The following SLX9 variants were observed in gnomAD, a reference collection of about 807,000 sequenced individuals.
SLX9 encodes ribosome biogenesis protein SLX9 homolog.
SLX9 carries 19 observed loss-of-function variants against 20.8 expected under a neutral mutation model. The ratio of observed to expected loss-of-function variants is 0.91; its 90% CI spans 0.64 to 1.34. SLX9 has a LOEUF of 1.34. Among genes scored for constraint, SLX9 ranks in the 40% most tolerant of loss-of-function variants. The probability of loss-of-function intolerance (pLI) is 0.00; values close to 1 mark genes in which losing one functional copy is unlikely to be tolerated. For missense variants in SLX9, 299 were observed against 322.2 expected, an observed-to-expected ratio of 0.93 and a Z score of 0.55; for synonymous variants, 113 against 137.1, an observed-to-expected ratio of 0.82 and a Z score of 1.23.
intron 4 of SLX9, among the ~76,000 whole-genome samples, chr21:44,972,375 C>A (rs537785124): frequency 6.8e-4 from 104 of 152,290 alleles, no homozygotes; most frequent in Non-Finnish European, 1.3e-3. Flanking sequence ...AGAAGCTCCG[C>A]GGGCAGCCGG....
In SLX9 at chr21:44,943,805, C is replaced by A; in HGVS notation, c.251C>A (p.Ser84Ter). ...VTSVRRGEAG[S>*]SARSVPSIRR... Reference sequence around the variant, plus strand: ...TCCGTCAGGAGAGGTGAGGCAGGCTCGAGTGCACGGAGCGTCCCTTCCATC... The same window carrying A: ...TCCGTCAGGAGAGGTGAGGCAGGCTAGAGTGCACGGAGCGTCCCTTCCATC... The change falls in exon 2 of 6, where the codon TCG (serine) becomes TAG (stop). Residue 84 changes from serine to a stop codon, truncating the protein, a stop_gained. Coordinates refer to ENST00000291634, the MANE Select transcript of SLX9 (RefSeq NM_058190.4). LOFTEE classifies it high-confidence loss of function. 1 of 1,613,056 alleles carries A rather than the reference C, an allele frequency of 6.2e-7. No homozygotes were observed. The highest frequency in any genetic ancestry group is 8.5e-7 in the Non-Finnish European group (1 of 1,179,966).
intron 2 of SLX9, among the ~76,000 whole-genome samples, chr21:44,951,329 A>G (rs2084752955): frequency 6.6e-6 from 1 of 152,236 alleles, no homozygotes; most frequent in African/African-American, 2.4e-5. Flanking sequence ...GAGGCAGGGA[A>G]AGTGGGCATG....
At chr21:44,972,666 G>A (rs974217511) in intron 4 of SLX9, among the ~76,000 whole-genome samples, 3 of 152,212 alleles carry the variant, frequency 2.0e-5, no homozygotes, top group South Asian at 2.1e-4. Flanking sequence ...CACAGCGTGC[G>A]CCTTCTTCTA....
intron 1 of SLX9, among the ~76,000 whole-genome samples, chr21:44,940,827 TA>T (rs2084531763): frequency 6.6e-6 from 1 of 152,242 alleles, no homozygotes; most frequent in Non-Finnish European, 1.5e-5. Flanking sequence ...TTTCCTTGAA[TA>T]TTTTTTTCTG....
intron 2 of SLX9, among the ~76,000 whole-genome samples, chr21:44,948,338 G>A (rs2084687354): frequency 1.4e-5 from 2 of 147,772 alleles, no homozygotes; most frequent in African/African-American, 2.5e-5. Context: ...TCGGGCGTCC[G>A]GGGAGCTGGT....
At chr21:44,939,784 C>T, upstream of SLX9, 3 of 550,854 alleles carry the variant, frequency 5.4e-6, no homozygotes, top group Non-Finnish European at 1.0e-5. Flanking sequence ...GACGCAACCC[C>T]GGGCTTGGGT....
In SLX9 at chr21:44,943,672, T is replaced by G. The variant is rs373722100; in HGVS notation, c.130-12T>G. ...ACCTCTTCTTTTCGTCCGTTTTTGT[T>G]GGGGACATTAGGACTGGGCGTTCAT... On this transcript the variant is annotated splice_polypyrimidine_tract_variant and intron_variant, in intron 1 of 5. Transcript: ENST00000291634. 1 of 1,612,688 alleles carries G rather than the reference T, an allele frequency of 6.2e-7. No individual in the cohort carries two copies. The highest frequency in any genetic ancestry group is 8.5e-7 in the Non-Finnish European group (1 of 1,178,910).
chr21:44,950,543 C>T (rs563223346), intron 2 of SLX9, among the ~76,000 whole-genome samples: 10 of 152,194 alleles, frequency 6.6e-5, no homozygotes, highest in African/African-American at 9.7e-5. Flanking sequence ...TGTTGGGAGC[C>T]CAATGACTTG....
intron 3 of SLX9, among the ~76,000 whole-genome samples, chr21:44,964,052 A>G (rs73906983): frequency 0.078 from 11,903 of 152,262 alleles, 1,550 homozygotes; most frequent in African/African-American, 0.27. Context: ...AACATAGTAT[A>G]TCTCACCATT....
At position 44,945,944 on chromosome 21, in the gene SLX9, G is replaced by A. The variant is rs138166763; in HGVS notation, c.283+2107G>A. 2.7e-3 allele frequency among the ~76,000 whole-genome samples: 407 copies of A among 151,958 alleles called. 2 individuals carry two copies. The highest frequency in any genetic ancestry group is 9.4e-3 in the African/African-American group (388 of 41,404). On this transcript the variant is annotated intron_variant, in intron 2 of 5. Coordinates refer to ENST00000291634, the MANE Select transcript of SLX9 (RefSeq NM_058190.4). The stretch of plus-strand genomic sequence containing the variant: ...GAGATGGGGTTTCACCCCGTTGGCC[G>A]GGATGGTCTCGATCTCTTGACCTCA...
intron 5 of SLX9, among the ~76,000 whole-genome samples, chr21:44,973,735 A>T (rs962198392): frequency 1.0e-4 from 15 of 144,690 alleles, no homozygotes; most frequent in African/African-American, 3.9e-4. Flanking sequence ...GAGTGCCTCC[A>T]GCCTGCCCTC....
chr21:44,964,272 C>A (rs1160109281), intron 3 of SLX9, among the ~76,000 whole-genome samples: 1 of 152,262 alleles, frequency 6.6e-6, no homozygotes, highest in East Asian at 1.9e-4. Flanking sequence ...GTCTGGTAGT[C>A]ATTTTGTAGA....
In SLX9 at chr21:44,976,722, G is replaced by A. The variant is rs545120562; in HGVS notation, c.612G>A (p.Pro204=). 1.0e-5 allele frequency: 16 copies of A among 1,573,292 alleles called. No individual in the cohort carries two copies. The highest frequency in any genetic ancestry group is 3.6e-5 in the Admixed American group (2 of 54,946). ...RTRFQELLAS[P]AYRASPLVAI... is the part of the protein sequence containing the mutation. Reference sequence around the variant, plus strand: ...GGTTTCAGGAGCTGCTGGCCAGTCCGGCCTACAGAGCCAGCCCCCTGGTGG... The same window carrying A: ...GGTTTCAGGAGCTGCTGGCCAGTCCAGCCTACAGAGCCAGCCCCCTGGTGG... Residue 204 remains proline, a synonymous_variant, in exon 6 of 6, where the codon CCG becomes CCA. Coordinates refer to ENST00000291634, the MANE Select transcript of SLX9 (RefSeq NM_058190.4).
chr21:44,963,271 A>G (rs996501019), intron 3 of SLX9, among the ~76,000 whole-genome samples: 6 of 151,524 alleles, frequency 4.0e-5, no homozygotes, highest in African/African-American at 1.5e-4. Context: ...TTGTATTTTT[A>G]GTAGAGATGG....
chr21:44,960,852 G>A (rs1462070525), intron 3 of SLX9, among the ~76,000 whole-genome samples: 1 of 152,194 alleles, frequency 6.6e-6, no homozygotes, highest in South Asian at 2.1e-4. Context: ...TTCTAAGATT[G>A]TTTCTCGTCA....
At chr21:44,963,052 A>T (rs960505371) in intron 3 of SLX9, among the ~76,000 whole-genome samples, 27 of 148,750 alleles carry the variant, frequency 1.8e-4, no homozygotes, top group Non-Finnish European at 2.7e-4. Flanking sequence ...TGTTTTACAG[A>T]TGTTTTTCCC....
intron 2 of SLX9, among the ~76,000 whole-genome samples, 181 bp from the exon 3 acceptor site, chr21:44,959,919 C>T (rs1011422760): frequency 6.6e-6 from 1 of 152,152 alleles, no homozygotes; most frequent in Admixed American, 6.5e-5. Context: ...GAGGCCGGGC[C>T]GAGGCATGCT....
intron 2 of SLX9, among the ~76,000 whole-genome samples, chr21:44,957,414 G>A (rs2084878019): frequency 6.6e-6 from 1 of 152,196 alleles, no homozygotes; most frequent in African/African-American, 2.4e-5. Context: ...TGCATCCTGG[G>A]CTCCTGAAGA....
chr21:44,953,470 C>A (rs2084796975), intron 2 of SLX9, among the ~76,000 whole-genome samples: 1 of 152,124 alleles, frequency 6.6e-6, no homozygotes, highest in South Asian at 2.1e-4. Flanking sequence ...TGCGTCCGGG[C>A]CTCGGGAGCC....
Sources: allele counts gnomAD v4.1 joint callset (sites outside exome capture counted in the v4.1 genomes callset), GRCh38; gene constraint gnomAD v4.1.1; transcripts MANE v1.5; gene names NCBI Gene and HGNC (gene_info 2026-07-23, HGNC 2026-07-21).